The following PLCXD3 variants were observed in gnomAD, a reference collection of about 807,000 sequenced individuals.
The protein encoded by PLCXD3 is phosphatidylinositol specific phospholipase C X domain containing 3.
PLCXD3 carries 19 observed loss-of-function variants against 25.5 expected under a neutral mutation model. That is an observed-to-expected ratio of 0.75 (90% CI 0.52 to 1.09). The LOEUF (loss-of-function observed/expected upper bound fraction) is 1.09. PLCXD3 is among the 50% of genes least tolerant of loss of function. PLCXD3 has a pLI of 0.00. For synonymous variants in PLCXD3, 174 were observed against 137.6 expected, an observed-to-expected ratio of 1.26 and a Z score of -1.85; for missense variants, 411 against 388.1, an observed-to-expected ratio of 1.06 and a Z score of -0.50.
intron 1 of PLCXD3, among the ~76,000 whole-genome samples, chr5:41,429,509 C>T (rs2150508232): frequency 6.6e-6 from 1 of 152,070 alleles, no homozygotes; most frequent in Admixed American, 6.6e-5. Context: ...GACTATAGGC[C>T]AAATTAAGGA....
chr5:41,413,034 T>A (rs1293926021), intron 1 of PLCXD3, among the ~76,000 whole-genome samples: 1 of 152,198 alleles, frequency 6.6e-6, no homozygotes, highest in East Asian at 1.9e-4. Flanking sequence ...TGATCCTAAG[T>A]TGAGATCAAA....
chr5:41,397,048 C>T (rs1746028769), intron 1 of PLCXD3, among the ~76,000 whole-genome samples: 1 of 152,164 alleles, frequency 6.6e-6, no homozygotes, highest in Non-Finnish European at 1.5e-5. Context: ...GCAGCCCTAC[C>T]ATGCAGTAGA....
chr5:41,346,481 C>G (rs1744305499), intron 2 of PLCXD3, among the ~76,000 whole-genome samples: 1 of 152,124 alleles, frequency 6.6e-6, no homozygotes, highest in Admixed American at 6.5e-5. Flanking sequence ...TGCTGTCTAC[C>G]TGTTCACCCA....
intron 2 of PLCXD3, among the ~76,000 whole-genome samples, chr5:41,327,072 CAG>C (rs1482931790): frequency 7.2e-5 from 11 of 152,126 alleles, no homozygotes; most frequent in Non-Finnish European, 1.5e-4. Flanking sequence ...TTTCACAAAA[CAG>C]GGGCTATTTG....
intron 1 of PLCXD3, among the ~76,000 whole-genome samples, chr5:41,442,357 T>C (rs1440666391): frequency 6.6e-6 from 1 of 152,334 alleles, no homozygotes; most frequent in East Asian, 1.9e-4. Flanking sequence ...TTCACTAACA[T>C]TTTCTGAAAT....
At position 41,486,859 on chromosome 5, in the gene PLCXD3, G is replaced by A. The variant is rs1448019966; in HGVS notation, c.103+23565C>T. 2.0e-5 allele frequency among the ~76,000 whole-genome samples: 3 copies of A among 152,150 alleles called. No individual in the cohort carries two copies. The East Asian group carries it at 5.8e-4, about 29-fold the overall frequency. On this transcript the variant is annotated intron_variant, in intron 1 of 2. Coordinates refer to ENST00000377801, the MANE Select transcript of PLCXD3 (RefSeq NM_001005473.3). ...GAGCTGAGAAAATAGCACCTCAGAG[G>A]GTATTTAGTGATTCCCCTGGAGCTA...
chr5:41,416,438 A>C (rs1442088446), intron 1 of PLCXD3, among the ~76,000 whole-genome samples: 1 of 152,254 alleles, frequency 6.6e-6, no homozygotes, highest in Non-Finnish European at 1.5e-5. Context: ...ATGTTGAGTC[A>C]GGGCCCAGTG....
intron 1 of PLCXD3, among the ~76,000 whole-genome samples, chr5:41,493,343 T>C (rs941765822): frequency 3.3e-5 from 5 of 152,158 alleles, no homozygotes; most frequent in African/African-American, 7.2e-5. Context: ...CTGCCCCTAC[T>C]GGGGGGTGCC....
chr5:41,459,007 T>A (rs1191208101), intron 1 of PLCXD3, among the ~76,000 whole-genome samples: 1 of 151,966 alleles, frequency 6.6e-6, no homozygotes, highest in Non-Finnish European at 1.5e-5. Flanking sequence ...TATTTAGACA[T>A]TCCTATAGAA....
chr5:41,316,894 A>T (rs112754573), intron 2 of PLCXD3, among the ~76,000 whole-genome samples: 2 of 152,184 alleles, frequency 1.3e-5, no homozygotes, highest in African/African-American at 4.8e-5. Flanking sequence ...CTGACTCCAG[A>T]TGGCACTTCT....
chr5:41,415,246 C>G (rs868394711), intron 1 of PLCXD3, among the ~76,000 whole-genome samples: 1 of 152,156 alleles, frequency 6.6e-6, no homozygotes, highest in South Asian at 2.1e-4. Flanking sequence ...ACCGAATCCC[C>G]TGCTCTTTCT....
At chr5:41,450,823 A>T (rs961374378) in intron 1 of PLCXD3, among the ~76,000 whole-genome samples, 2 of 152,068 alleles carry the variant, frequency 1.3e-5, no homozygotes, top group African/African-American at 4.8e-5. Context: ...AAGGGATTCT[A>T]TACGCAGAGA....
chr5:41,467,821 T>C (rs1748055892), intron 1 of PLCXD3, among the ~76,000 whole-genome samples: 2 of 152,094 alleles, frequency 1.3e-5, no homozygotes, highest in South Asian at 2.1e-4. Flanking sequence ...AATAGTCCTG[T>C]TCCCATTGTG....
At chr5:41,338,986 A>AT (rs1395937073) in intron 2 of PLCXD3, among the ~76,000 whole-genome samples, 1 of 151,906 alleles carries the variant, frequency 6.6e-6, no homozygotes, top group Non-Finnish European at 1.5e-5. Flanking sequence ...TATTTTGGCT[A>AT]TTTTTTCGTT....
chr5:41,416,349 G>C (rs1746695192), intron 1 of PLCXD3, among the ~76,000 whole-genome samples: 1 of 152,162 alleles, frequency 6.6e-6, no homozygotes, highest in African/African-American at 2.4e-5. Flanking sequence ...AACTCACATT[G>C]CTCAAAAAAT....
intron 2 of PLCXD3, among the ~76,000 whole-genome samples, chr5:41,347,732 C>T (rs770904990): frequency 6.6e-6 from 1 of 152,226 alleles, no homozygotes; most frequent in Non-Finnish European, 1.5e-5. Context: ...ATAATTGTCT[C>T]AGTCTTTCCC....
At chr5:41,430,703 T>A (rs940259027) in intron 1 of PLCXD3, among the ~76,000 whole-genome samples, 6 of 152,164 alleles carry the variant, frequency 3.9e-5, no homozygotes, top group African/African-American at 1.4e-4. Context: ...CTCTTCTGAA[T>A]CCCTTCCAGG....
Position 41,313,586 on chromosome 5 carries a change from A to T in PLCXD3, c.*31T>A. The stretch of plus-strand genomic sequence containing the variant: ...TGCCCTAATACAATGAGCTTTCTCC[A>T]TCTTATTCATGGAAACTCCAAGTAG... On this transcript the variant is annotated 3_prime_UTR_variant, in exon 3 of 3. Transcript: ENST00000377801. 6.2e-7 allele frequency: 1 copy of T among 1,612,910 alleles called. No individual in the cohort carries two copies.
intron 2 of PLCXD3, among the ~76,000 whole-genome samples, chr5:41,340,680 C>A (rs755989581): frequency 1.4e-4 from 22 of 152,160 alleles, no homozygotes; most frequent in Non-Finnish European, 3.1e-4. Context: ...CAGTTAAAGT[C>A]TCTCAGGCAG....
Sources: gnomAD v4.1 joint callset for allele counts (sites outside exome capture counted in the v4.1 genomes callset) on GRCh38, gnomAD v4.1.1 for gene constraint, MANE v1.5 for transcripts, NCBI Gene and HGNC (gene_info 2026-07-23, HGNC 2026-07-21) for gene names.